The following ATPAF1 variants were observed in gnomAD, a reference collection of about 807,000 sequenced individuals.
ATPAF1 encodes the protein homolog of yeast ATP11.
ATPAF1 carries 26 observed loss-of-function variants against 43.9 expected under a neutral mutation model. The observed-to-expected ratio is 0.59, with a 90% CI of 0.43 to 0.82. The LOEUF (loss-of-function observed/expected upper bound fraction) is 0.82. Ranked by LOEUF, ATPAF1 falls within the 40% of genes least tolerant of loss-of-function variation. The pLI is 0.00. For missense variants in ATPAF1, 366 were observed against 435.0 expected, an observed-to-expected ratio of 0.84 and a Z score of 1.41; for synonymous variants, 157 against 168.0, an observed-to-expected ratio of 0.93 and a Z score of 0.50.
At chr1:46,649,113 G>A (rs78053324) in intron 6 of ATPAF1, among the ~76,000 whole-genome samples, 38,817 of 143,502 alleles carry the variant, frequency 0.27, 5,338 homozygotes, top group Admixed American at 0.4. Context: ...AGTGAGCTGA[G>A]ATCATACTAC....
rs1031703012 is a variant in ATPAF1 at position 46,649,341 on chromosome 1, A to G, written c.588+3240T>C. Among the ~76,000 whole-genome samples the G allele has an allele frequency of 4.5e-4, 69 of 152,150 alleles. 1 individual carries two copies. Among genetic ancestry groups the G allele is most frequent in the East Asian group, 3.3e-3 (17 of 5,162 alleles). On this transcript the variant is annotated intron_variant, in intron 6 of 8. Coordinates refer to ENST00000574428, the Ensembl canonical transcript of ATPAF1. ...CACCTTTGTTGAAAAACAACTAACC[A>G]CATATATGTTTGTCTATTTCAGGAC... is the stretch of plus-strand genomic sequence containing the variant.
At chr1:46,665,424 A>C in intron 1 of ATPAF1, 60 bp from the exon 2 acceptor site, 3 of 1,527,400 alleles carry the variant, frequency 2.0e-6, no homozygotes, top group Non-Finnish European at 2.7e-6. Flanking sequence ...TAAAATAACA[A>C]AGCATCACTT....
At chr1:46,663,983 GT>G in intron 2 of ATPAF1, 1 of 1,051,140 alleles carries the variant, frequency 9.5e-7, no homozygotes, top group Non-Finnish European at 1.3e-6. Context: ...TGTGATCAGA[GT>G]TTTTTAAAAG....
intron 8 of ATPAF1, 70 bp from the exon 9 acceptor site, chr1:46,636,040 G>A (rs1473812033): frequency 6.4e-6 from 10 of 1,555,556 alleles, no homozygotes; most frequent in Non-Finnish European, 8.8e-6. Flanking sequence ...GAATTGTGTG[G>A]TGGGTGGGGG....
intron 2 of ATPAF1, among the ~76,000 whole-genome samples, chr1:46,662,314 A>G (rs192423533): frequency 1.4e-3 from 219 of 151,060 alleles, no homozygotes; most frequent in Non-Finnish European, 2.5e-3. Context: ...CCTTACTACT[A>G]TAAGTGTTTA....
intron 6 of ATPAF1, among the ~76,000 whole-genome samples, chr1:46,648,119 A>G (rs1462533342): frequency 6.6e-6 from 1 of 152,032 alleles, no homozygotes; most frequent in Non-Finnish European, 1.5e-5. Context: ...TTTATTTATT[A>G]TTATTTTTTT....
At chr1:46,666,516 A>G (rs1338832669) in intron 1 of ATPAF1, 1 of 152,274 alleles carries the variant, frequency 6.6e-6, no homozygotes, top group East Asian at 1.9e-4. Context: ...CAAGGAGCTC[A>G]CTATCCAGTG....
upstream of ATPAF1, chr1:46,668,555 T>G (rs117895472): frequency 0.012 from 5,000 of 401,344 alleles, 257 homozygotes; most frequent in East Asian, 0.18. This position sits in a 1 kb window ranked among gnomAD's most constrained non-coding sequence, Gnocchi z 4.4. Flanking sequence ...GCCCGCCTCC[T>G]CCAGGGAGGC....
chr1:46,638,064 T>G (rs1048417026), intron 8 of ATPAF1, among the ~76,000 whole-genome samples: 9 of 152,216 alleles, frequency 5.9e-5, no homozygotes, highest in African/African-American at 2.2e-4. Flanking sequence ...GCAAGTGCAC[T>G]GCTATAATCT....
chr1:46,658,625 T>G, intron 3 of ATPAF1, 62 bp downstream of exon 3: 1 of 1,342,136 alleles, frequency 7.5e-7, no homozygotes. Flanking sequence ...ATTTGCAGCC[T>G]CTTGTTCTAG....
intron 6 of ATPAF1, among the ~76,000 whole-genome samples, chr1:46,651,684 T>C (rs894081499): frequency 2.0e-5 from 3 of 152,134 alleles, no homozygotes; most frequent in South Asian, 2.1e-4. Context: ...TTTTTAATGA[T>C]TGCCATTAAA....
chr1:46,651,320 G>C (rs1049846317), intron 6 of ATPAF1, among the ~76,000 whole-genome samples: 19 of 150,308 alleles, frequency 1.3e-4, no homozygotes, highest in Non-Finnish European at 2.9e-5. Context: ...CCCTACAAAG[G>C]ACATGAACTC....
intron 2 of ATPAF1, chr1:46,664,012 G>T: frequency 1.3e-6 from 1 of 795,800 alleles, no homozygotes; most frequent in Non-Finnish European, 1.7e-6. Flanking sequence ...AGAATAAAAA[G>T]TAATAAGAAT....
intron 6 of ATPAF1, among the ~76,000 whole-genome samples, chr1:46,652,249 T>C (rs976188144): frequency 6.7e-6 from 1 of 148,688 alleles, no homozygotes; most frequent in African/African-American, 2.5e-5. Flanking sequence ...AGGTCTCAGA[T>C]GTCTTCCAAA....
intron 1 of ATPAF1, chr1:46,666,240 GT>G: frequency 1.5e-5 from 3 of 196,960 alleles, no homozygotes; most frequent in South Asian, 1.1e-4. Flanking sequence ...TAGATGGGAT[GT>G]TTTTCTTCTC....
At chr1:46,665,947 G>T in intron 1 of ATPAF1, 1 of 1,103,354 alleles carries the variant, frequency 9.1e-7, no homozygotes, top group South Asian at 2.0e-5. Context: ...TTGGTCTTCA[G>T]GTTTGAAGTC....
At chr1:46,652,144 C>G (rs1034256151) in intron 6 of ATPAF1, among the ~76,000 whole-genome samples, 3 of 148,752 alleles carry the variant, frequency 2.0e-5, no homozygotes, top group Non-Finnish European at 3.0e-5. Context: ...ATGTATTGAA[C>G]TATCACACTG....
chr1:46,668,284 TCCCGCGCCA>T lies in ATPAF1; in HGVS notation c.30_38del (p.Gly11_Gly13del). ...GACCGGCCACCTGCAGGACCGCCGGTCCCGCGCCACCCGCAGCCGCCACCACCACAGCAG... is the reference window on the plus strand; with the variant it reads ...GACCGGCCACCTGCAGGACCGCCGGTCCCGCAGCCGCCACCACCACAGCAG... On this transcript the variant is annotated inframe_deletion, in exon 1 of 9. Transcript: ENST00000574428. This position sits in a 1 kb window ranked among gnomAD's most constrained non-coding sequence, Gnocchi z 4.4. 1 of 1,382,342 alleles carries T rather than the reference TCCCGCGCCA, an allele frequency of 7.2e-7. No homozygotes were observed. The highest frequency in any genetic ancestry group is 9.4e-7 in the Non-Finnish European group (1 of 1,063,378). 85.6% of individuals were successfully genotyped at this position (1,382,342 alleles called of 1,614,324 possible). A position where few individuals can be genotyped will look rare whatever the true frequency, so the allele number is the denominator to read the frequency against.
At position 46,667,980 on chromosome 1, in the gene ATPAF1, G is replaced by A. The variant is rs1051789728; in HGVS notation, c.266+77C>T. ...GACAGTACTAGTGCCCACCTCACAG[G>A]GCTGTCCTAAGGCCCAGCAGCCCGG... is the stretch of plus-strand genomic sequence containing the variant. On this transcript the variant is annotated intron_variant, in intron 1 of 8. Transcript: ENST00000574428. 8 of 1,187,174 alleles carry A rather than the reference G, an allele frequency of 6.7e-6. No homozygotes were observed. The African/African-American group carries it at 9.6e-5, about 14-fold the overall frequency. 73.5% of individuals were successfully genotyped at this position (1,187,174 alleles called of 1,614,324 possible).
Sources: allele counts gnomAD v4.1 joint callset (sites outside exome capture counted in the v4.1 genomes callset), GRCh38; gene constraint gnomAD v4.1.1; non-coding constraint Gnocchi (gnomAD v3.1); transcripts MANE v1.5; gene names NCBI Gene and HGNC (gene_info 2026-07-23, HGNC 2026-07-21).